The following LNX1 variants were observed in gnomAD, a reference collection of about 807,000 sequenced individuals.
LNX1 encodes the protein ligand of numb-protein X 1.
LNX1 carries 54 observed loss-of-function variants against 68.4 expected under a neutral mutation model. The ratio of observed to expected loss-of-function variants is 0.79; its 90% CI spans 0.63 to 0.99. LNX1 has a LOEUF of 0.99. LNX1 is among the 50% of genes least tolerant of loss of function. The probability of loss-of-function intolerance (pLI) is 0.00; values close to 1 mark genes in which losing one functional copy is unlikely to be tolerated. For synonymous variants in LNX1, 336 were observed against 350.0 expected (o/e 0.96, Z 0.45); for missense variants, 906 against 926.4 (o/e 0.98, Z 0.29).
intron 2 of LNX1, chr4:53,539,216 G>A (rs1478141224): frequency 2.0e-5 from 3 of 152,284 alleles, no homozygotes; most frequent in Admixed American, 6.5e-5. Context: ...GGAGCCATAA[G>A]GGCCCCCTGC....
intron 2 of LNX1, among the ~76,000 whole-genome samples, chr4:53,564,848 G>C (rs562315312): frequency 6.6e-6 from 1 of 152,342 alleles, no homozygotes; most frequent in South Asian, 2.1e-4. Flanking sequence ...CAAGGAGTCA[G>C]GGAGTTAGTT....
At chr4:53,530,718 G>T (rs1727958248) in intron 2 of LNX1, among the ~76,000 whole-genome samples, 2 of 152,190 alleles carry the variant, frequency 1.3e-5, no homozygotes, top group African/African-American at 4.8e-5. Flanking sequence ...ATGTCTAGGG[G>T]ATAGTTTCAT....
intron 1 of LNX1, among the ~76,000 whole-genome samples, chr4:53,641,664 T>C (rs1422173313): frequency 6.6e-6 from 1 of 152,230 alleles, no homozygotes; most frequent in Non-Finnish European, 1.5e-5. Flanking sequence ...TCTTTCTCTT[T>C]GTAATCTCTC....
At chr4:53,643,214 G>A (rs762849769) in intron 1 of LNX1, among the ~76,000 whole-genome samples, 4 of 151,812 alleles carry the variant, frequency 2.6e-5, no homozygotes, top group Non-Finnish European at 4.4e-5. Context: ...GCAATGGCAC[G>A]ATCATGGCTC....
At chr4:53,566,799 G>A (rs1341283922) in intron 2 of LNX1, among the ~76,000 whole-genome samples, 3 of 149,562 alleles carry the variant, frequency 2.0e-5, no homozygotes, top group East Asian at 2.0e-4. Context: ...AAAGGATGGA[G>A]GAAGATCTAC....
chr4:53,498,732 G>A lies in LNX1; in HGVS notation c.887C>T (p.Thr296Ile). Residue 296 changes from threonine (T) to isoleucine (I), a missense_variant, in exon 5 of 11, where the codon ACC (threonine) becomes ATC (isoleucine). Transcript: ENST00000263925. Reference protein sequence around the residue: ...LSIRLVGGSETPLVHIIIQHI... With the variant: ...LSIRLVGGSEIPLVHIIIQHI... ...TTGGATAATGATATGGACCAGTGGGGTTTCGCTACCTCCCACCAGCCTAAT... is the reference window on the plus strand; with the variant it reads ...TTGGATAATGATATGGACCAGTGGGATTTCGCTACCTCCCACCAGCCTAAT... 1 of 1,614,032 alleles carries A rather than the reference G, an allele frequency of 6.2e-7. No individual in the cohort carries two copies.
intron 2 of LNX1, among the ~76,000 whole-genome samples, chr4:53,597,004 G>A (rs1310498541): frequency 6.6e-6 from 1 of 152,134 alleles, no homozygotes; most frequent in Non-Finnish European, 1.5e-5. Context: ...CCTGGACTCC[G>A]GGAGGCTGCC....
intron 2 of LNX1, among the ~76,000 whole-genome samples, chr4:53,546,039 T>G (rs1560657559): frequency 6.6e-6 from 1 of 151,960 alleles, no homozygotes; most frequent in Non-Finnish European, 1.5e-5. Flanking sequence ...ACTCCTGACC[T>G]CAAGTGATCC....
upstream of LNX1, among the ~76,000 whole-genome samples, chr4:53,592,437 G>A (rs2109823403): frequency 6.6e-6 from 1 of 152,142 alleles, no homozygotes; most frequent in African/African-American, 2.4e-5. Flanking sequence ...TAAACTCTCT[G>A]GCATCTTCCC....
intron 2 of LNX1, among the ~76,000 whole-genome samples, chr4:53,608,772 A>G (rs1433570628): frequency 6.6e-6 from 1 of 152,206 alleles, no homozygotes; most frequent in Non-Finnish European, 1.5e-5. Context: ...ACAGAATACT[A>G]TGCAGCCATA....
At chr4:53,602,445 A>G (rs996246566) in intron 2 of LNX1, among the ~76,000 whole-genome samples, 1 of 152,168 alleles carries the variant, frequency 6.6e-6, no homozygotes, top group Non-Finnish European at 1.5e-5. Flanking sequence ...TTCAGGAACA[A>G]GCCTGTCTTA....
At chr4:53,635,318 A>T (rs1734431594) in intron 1 of LNX1, among the ~76,000 whole-genome samples, 1 of 152,186 alleles carries the variant, frequency 6.6e-6, no homozygotes, top group Non-Finnish European at 1.5e-5. Context: ...CCCCTTCCGG[A>T]TGTGCCTGTT....
At chr4:53,650,492 T>C (rs568393993) in intron 1 of LNX1, among the ~76,000 whole-genome samples, 1 of 152,076 alleles carries the variant, frequency 6.6e-6, no homozygotes, top group East Asian at 1.9e-4. Flanking sequence ...GAGAAGGGAG[T>C]TACAAATGTG....
chr4:53,496,462 C>T, intron 5 of LNX1, 68 bp from the exon 6 acceptor site: 2 of 1,513,302 alleles, frequency 1.3e-6, no homozygotes, highest in African/African-American at 1.4e-5. Context: ...AGATCCAGGC[C>T]CACAGAAAAG....
intron 2 of LNX1, 63 bp downstream of exon 2, chr4:53,573,560 G>C: frequency 2.6e-6 from 3 of 1,147,670 alleles, no homozygotes; most frequent in Non-Finnish European, 3.8e-6. Flanking sequence ...AGACTGGGGG[G>C]TGGAGGGGTC....
rs201159053 is a variant in LNX1, at chr4:53,496,240, T to C, written c.1133A>G (p.Asp378Gly). The C allele has an allele frequency of 1.4e-5, 22 of 1,614,112 alleles. 1 individual carries two copies. The South Asian group carries it at 2.3e-4, about 17-fold the overall frequency. ...TTTGTTGAGAATCACATGAAAGCTG[T>C]CATCTCGGGGTCTGTAGGCATCCGG... ...QAPDAYRPRD[D>G]SFHVILNKSS... Residue 378 changes from aspartate to glycine, a missense_variant, in exon 6 of 11, where the codon GAC (aspartate) becomes GGC (glycine). Transcript: ENST00000263925.
At chr4:53,624,640 A>C (rs1337208313) in intron 1 of LNX1, among the ~76,000 whole-genome samples, 1 of 151,990 alleles carries the variant, frequency 6.6e-6, no homozygotes, top group Non-Finnish European at 1.5e-5. Flanking sequence ...CTACCCTCCC[A>C]CCATGCTGAA....
chr4:53,551,683 C>T (rs1560660988), intron 2 of LNX1, among the ~76,000 whole-genome samples: 1 of 152,082 alleles, frequency 6.6e-6, no homozygotes, highest in African/African-American at 2.4e-5. Context: ...TATGAAACAC[C>T]AAGTCAAAGG....
At chr4:53,625,775 C>T (rs1734047702) in intron 1 of LNX1, among the ~76,000 whole-genome samples, 1 of 152,008 alleles carries the variant, frequency 6.6e-6, no homozygotes. Flanking sequence ...TCACTGCACT[C>T]CAGCCTAGGT....
Sources: gnomAD v4.1 joint callset for allele counts (sites outside exome capture counted in the v4.1 genomes callset) on GRCh38, gnomAD v4.1.1 for gene constraint, MANE v1.5 for transcripts, NCBI Gene and HGNC (gene_info 2026-07-23, HGNC 2026-07-21) for gene names.